The following HLTF variants were observed in gnomAD, a reference collection of about 807,000 sequenced individuals.
HLTF encodes the protein DNA-dependent ATPase/E3 ubiquitin-protein ligase HLTF.
Under a neutral mutation model 129.4 loss-of-function variants are expected in HLTF, and 127 were observed. The ratio of observed to expected loss-of-function variants is 0.98; its 90% CI spans 0.85 to 1.14. HLTF has a LOEUF of 1.14. HLTF is among the 50% of genes most tolerant of loss of function. The pLI, the probability that HLTF is intolerant of heterozygous loss-of-function variation, is 0.00. For missense variants in HLTF, 1,139 were observed against 1,187.1 expected (o/e 0.96, Z 0.60); for synonymous variants, 332 against 388.8 (o/e 0.85, Z 1.72).
At chr3:149,081,265 TA>T (rs62889662) in intron 2 of HLTF, among the ~76,000 whole-genome samples, 58,441 of 129,760 alleles carry the variant, frequency 0.45, 11,679 homozygotes, top group Middle Eastern at 0.58. Context: ...GAAAACACAC[TA>T]AAAAAAAAAA....
intron 18 of HLTF, 122 bp from the exon 19 acceptor site, chr3:149,042,412 G>T: frequency 2.7e-6 from 2 of 747,926 alleles, no homozygotes. Flanking sequence ...AAACAAGAAT[G>T]AAAAGCAGAA....
At chr3:149,042,663 G>A (rs555702347) in intron 18 of HLTF, among the ~76,000 whole-genome samples, 1 of 152,096 alleles carries the variant, frequency 6.6e-6, no homozygotes, top group East Asian at 1.9e-4. Context: ...CTTCCATGGA[G>A]AAATTTATAT....
chr3:149,061,067 G>A (rs2108017892), intron 10 of HLTF, among the ~76,000 whole-genome samples: 1 of 152,186 alleles, frequency 6.6e-6, no homozygotes, highest in East Asian at 1.9e-4. Flanking sequence ...ACAAAATGGA[G>A]TACCACCGTT....
intron 2 of HLTF, among the ~76,000 whole-genome samples, chr3:149,076,543 G>C (rs955593461): frequency 3.3e-5 from 5 of 152,168 alleles, no homozygotes; most frequent in Admixed American, 1.3e-4. Context: ...GCTAGGATCT[G>C]AACCCACACA....
intron 18 of HLTF, 118 bp downstream of exon 18, chr3:149,045,962 G>A (rs982047162): frequency 1.5e-6 from 1 of 670,182 alleles, no homozygotes; most frequent in Non-Finnish European, 2.4e-6. Flanking sequence ...ATTCATAGAA[G>A]CAAATTATCT....
chr3:149,057,107 CAAAAAAAA>C (rs56809507), intron 13 of HLTF, among the ~76,000 whole-genome samples: 5 of 27,746 alleles, frequency 1.8e-4, no homozygotes, highest in Admixed American at 4.9e-4. Flanking sequence ...GACTCCGTCT[CAAAAAAAA>C]AAAAAAAAAA....
chr3:149,044,704 T>C (rs1378462279), intron 18 of HLTF, among the ~76,000 whole-genome samples: 1 of 152,188 alleles, frequency 6.6e-6, no homozygotes. Context: ...CCCATAGACC[T>C]GTCTTGGTAA....
chr3:149,034,848 TC>T, intron 24 of HLTF, 69 bp downstream of exon 24: 1 of 950,944 alleles, frequency 1.1e-6, no homozygotes, highest in East Asian at 2.4e-5. Context: ...AATAATATAT[TC>T]ATGCATTACT....
At chr3:149,075,277 G>C (rs1291884787) in intron 3 of HLTF, among the ~76,000 whole-genome samples, 3 of 152,152 alleles carry the variant, frequency 2.0e-5, no homozygotes, top group Non-Finnish European at 4.4e-5. Flanking sequence ...GGCTGGGCAC[G>C]GTGGCTCACG....
intron 8 of HLTF, among the ~76,000 whole-genome samples, chr3:149,065,625 C>T (rs1283832586): frequency 6.6e-6 from 1 of 152,014 alleles, no homozygotes; most frequent in East Asian, 1.9e-4. Context: ...AGATCAGGAG[C>T]TCGAGACTAG....
intron 8 of HLTF, among the ~76,000 whole-genome samples, chr3:149,068,039 C>A (rs1718546710): frequency 6.6e-6 from 1 of 152,114 alleles, no homozygotes; most frequent in South Asian, 2.1e-4. Context: ...CCAGCCTGGG[C>A]AACAGAGCCA....
In HLTF at chr3:149,030,608, C is replaced by G. The variant is rs1244996455; in HGVS notation, c.*1612G>C. On this transcript the variant is annotated 3_prime_UTR_variant, in exon 25 of 25. Coordinates refer to ENST00000310053, the MANE Select transcript of HLTF (RefSeq NM_003071.4). ...AGTATTGCTATATGGAGAACCCATA[C>G]TCTGATCAACTTGATTTTTTGTGTG... is the stretch of plus-strand genomic sequence containing the variant. The G allele has an allele frequency of 2.0e-5, 3 of 152,176 alleles. No homozygotes were observed. The highest frequency in any genetic ancestry group is 4.4e-5 in the Non-Finnish European group (3 of 68,032). 9.4% of individuals were successfully genotyped at this position (152,176 alleles called of 1,614,324 possible).
At chr3:149,083,571 T>A (rs1720071347) in intron 2 of HLTF, 1 of 151,848 alleles carries the variant, frequency 6.6e-6, no homozygotes, top group Non-Finnish European at 1.5e-5. Flanking sequence ...GAAATGCATA[T>A]GAGAGCCAGA....
intron 2 of HLTF, among the ~76,000 whole-genome samples, chr3:149,082,520 A>T (rs1392437849): frequency 6.6e-6 from 1 of 152,212 alleles, no homozygotes; most frequent in African/African-American, 2.4e-5. Flanking sequence ...GGAACAGGGA[A>T]AAATGAATGC....
chr3:149,043,623 A>G (rs1377737986), intron 18 of HLTF, among the ~76,000 whole-genome samples: 1 of 151,946 alleles, frequency 6.6e-6, no homozygotes, highest in Non-Finnish European at 1.5e-5. Context: ...CAATGACAAC[A>G]TAGATTCTTA....
chr3:149,086,409 C>CG lies in HLTF; in HGVS notation c.-74_-73insC, dbSNP rs1380539132. 16 of 1,507,156 alleles carry CG rather than the reference C, an allele frequency of 1.1e-5. No homozygotes were observed. Among genetic ancestry groups the CG allele is most frequent in the Middle Eastern group, 1.8e-4 (1 of 5,582 alleles). The allele number at this position is 1,507,156 out of a possible 1,614,324, so 93.4% of individuals were successfully genotyped here. ...TTTTCGAGCCGCCTCGATACGCCTC[C>CG]TTCCAGGCCCCGCAGCCCTGAAGCC... is the stretch of plus-strand genomic sequence containing the variant. On this transcript the variant is annotated 5_prime_UTR_variant, in exon 1 of 25. Transcript: ENST00000310053.
At chr3:149,072,431 T>C (rs745597897) in intron 5 of HLTF, among the ~76,000 whole-genome samples, 41 of 152,230 alleles carry the variant, frequency 2.7e-4, no homozygotes, top group Non-Finnish European at 2.8e-4. Context: ...ATTCCATTTA[T>C]TATTACTGCA....
At chr3:149,069,661 T>C (rs937735499) in intron 7 of HLTF, among the ~76,000 whole-genome samples, 1 of 152,208 alleles carries the variant, frequency 6.6e-6, no homozygotes, top group Admixed American at 6.5e-5. Flanking sequence ...ATGGGAGTTA[T>C]AAGCTCAACT....
intron 2 of HLTF, among the ~76,000 whole-genome samples, chr3:149,077,753 G>A (rs898992120): frequency 6.6e-6 from 1 of 151,810 alleles, no homozygotes; most frequent in Admixed American, 6.6e-5. Flanking sequence ...GCCTGAACTT[G>A]AGCATTTAAA....
Sources: gnomAD v4.1 joint callset for allele counts (sites outside exome capture counted in the v4.1 genomes callset) on GRCh38, gnomAD v4.1.1 for gene constraint, MANE v1.5 for transcripts, NCBI Gene and HGNC (gene_info 2026-07-23, HGNC 2026-07-21) for gene names.